Variants in PANX1 observed in about 807,000 individuals in gnomAD.
PANX1 encodes the protein pannexin-1.
Under a neutral mutation model 38.7 loss-of-function variants are expected in PANX1, and 30 were observed. That is an observed-to-expected ratio of 0.78 (90% CI 0.58 to 1.05). The LOEUF is 1.05. PANX1 is among the 50% of genes least tolerant of loss of function. PANX1 has a pLI of 0.00. For synonymous variants in PANX1, 230 were observed against 212.2 expected (o/e 1.08, Z -0.73); for missense variants, 551 against 517.2 (o/e 1.07, Z -0.63).
chr11:94,153,289 T>A (rs1480947703), intron 1 of PANX1, among the ~76,000 whole-genome samples: 3 of 152,228 alleles, frequency 2.0e-5, no homozygotes, highest in African/African-American at 7.2e-5. Context: ...GCCAAGCTGC[T>A]ATCATGACCA....
intron 1 of PANX1, among the ~76,000 whole-genome samples, chr11:94,140,039 A>G (rs1316781535): frequency 6.6e-6 from 1 of 152,256 alleles, no homozygotes; most frequent in Non-Finnish European, 1.5e-5. Flanking sequence ...GGAAGCTGTA[A>G]TAAATAATGG....
chr11:94,150,082 A>G (rs1487236006), intron 1 of PANX1, among the ~76,000 whole-genome samples: 1 of 152,176 alleles, frequency 6.6e-6, no homozygotes, highest in African/African-American at 2.4e-5. Flanking sequence ...GAAGAGGGTG[A>G]TGCCTAAGCA....
Position 94,174,992 on chromosome 11 carries a change from A to G in PANX1, c.322-3377A>G, listed in dbSNP as rs114306938. On this transcript the variant is annotated intron_variant, in intron 2 of 4. Coordinates refer to ENST00000227638, the MANE Select transcript of PANX1 (RefSeq NM_015368.4). ...CCACAATGATTTGAGAAGTTTCCCT[A>G]TTCTTGGAAGAGCTCAATACTCACT... 5.3e-5 allele frequency among the ~76,000 whole-genome samples: 8 copies of G among 151,814 alleles called. No individual in the cohort carries two copies. In the East Asian group the frequency reaches 7.7e-4, roughly 15 times the overall value.
chr11:94,145,264 A>G (rs1946815137), intron 1 of PANX1, among the ~76,000 whole-genome samples: 2 of 152,198 alleles, frequency 1.3e-5, no homozygotes, highest in Non-Finnish European at 1.5e-5. Context: ...TAGTCCTTAT[A>G]TGTGTAACTT....
intron 1 of PANX1, among the ~76,000 whole-genome samples, chr11:94,151,919 A>G (rs2134492066): frequency 6.6e-6 from 1 of 152,288 alleles, no homozygotes; most frequent in African/African-American, 2.4e-5. Context: ...CCTGATGGGG[A>G]AGAAATGCTC....
In PANX1 at chr11:94,181,804, G is replaced by C. The variant is rs191846383; in HGVS notation, c.*935G>C. The C allele has an allele frequency of 1.3e-5, 2 of 152,276 alleles. No individual in the cohort carries two copies. The highest frequency in any genetic ancestry group is 3.9e-4 in the East Asian group (2 of 5,186). 9.4% of individuals were successfully genotyped at this position (152,276 alleles called of 1,614,324 possible). A position where few individuals can be genotyped will look rare whatever the true frequency, so the allele number is the denominator to read the frequency against. On this transcript the variant is annotated 3_prime_UTR_variant, in exon 5 of 5. Transcript: ENST00000227638. ...GTGACATTGGCATGCTTCATATGGCGTGCTTGGAGCCAGAAAAACTTAGCG... is the reference window on the plus strand; with the variant it reads ...GTGACATTGGCATGCTTCATATGGCCTGCTTGGAGCCAGAAAAACTTAGCG...
intron 1 of PANX1, among the ~76,000 whole-genome samples, chr11:94,151,246 T>C (rs1946879716): frequency 6.6e-6 from 1 of 152,182 alleles, no homozygotes; most frequent in Admixed American, 6.5e-5. Flanking sequence ...ATTTTCCTTC[T>C]TCCTCTTTTG....
chr11:94,177,919 G>A (rs1293608518), intron 2 of PANX1, among the ~76,000 whole-genome samples: 2 of 151,868 alleles, frequency 1.3e-5, no homozygotes, highest in Non-Finnish European at 1.5e-5. Context: ...GAAGTTACAT[G>A]TTTCTTTGGC....
At chr11:94,148,797 A>G (rs1009436074) in intron 1 of PANX1, among the ~76,000 whole-genome samples, 1 of 152,124 alleles carries the variant, frequency 6.6e-6, no homozygotes, top group African/African-American at 2.4e-5. Context: ...ACTTGATATA[A>G]TCATCATCAT....
In PANX1 at chr11:94,161,696, C is replaced by T. The variant is rs1947038576; in HGVS notation, c.321+8066C>T. On this transcript the variant is annotated intron_variant, in intron 2 of 4. Transcript: ENST00000227638. The stretch of plus-strand genomic sequence containing the variant: ...CTCCTTTAGCTCGGAGTAGTTTGAT[C>T]GTCTGATGCCTTCTTCTCTCAATTC... Among the ~76,000 whole-genome samples the T allele has an allele frequency of 2.6e-5, 4 of 152,046 alleles. No individual in the cohort carries two copies. In the South Asian group the frequency reaches 6.2e-4, roughly 24 times the overall value.
intron 1 of PANX1, among the ~76,000 whole-genome samples, chr11:94,134,328 G>T (rs79497629): frequency 6.6e-6 from 1 of 152,130 alleles, no homozygotes; most frequent in Non-Finnish European, 1.5e-5. Context: ...TTCATTGATG[G>T]GGGGAGAGGT....
intron 1 of PANX1, among the ~76,000 whole-genome samples, chr11:94,132,704 T>C (rs1946644658): frequency 6.6e-6 from 1 of 152,218 alleles, no homozygotes; most frequent in African/African-American, 2.4e-5. Flanking sequence ...AGAATTCATC[T>C]CTTTTGATAT....
intron 2 of PANX1, among the ~76,000 whole-genome samples, chr11:94,169,307 G>T (rs1451657775): frequency 6.6e-6 from 1 of 151,490 alleles, no homozygotes; most frequent in African/African-American, 2.4e-5. Context: ...TAAACAGTGT[G>T]CTGTATGCTT....
At chr11:94,142,418 C>T (rs1946773647) in intron 1 of PANX1, among the ~76,000 whole-genome samples, 1 of 152,136 alleles carries the variant, frequency 6.6e-6, no homozygotes, top group Admixed American at 6.5e-5. Flanking sequence ...TCTGGACTTC[C>T]CAGTCTGTCA....
intron 1 of PANX1, among the ~76,000 whole-genome samples, chr11:94,149,478 A>T (rs1289175035): frequency 6.6e-6 from 1 of 152,134 alleles, no homozygotes; most frequent in Non-Finnish European, 1.5e-5. Context: ...TGTTGTGGCT[A>T]CTTCCTCTGG....
At chr11:94,174,391 G>A (rs1947205880) in intron 2 of PANX1, among the ~76,000 whole-genome samples, 1 of 151,366 alleles carries the variant, frequency 6.6e-6, no homozygotes, top group African/African-American at 2.5e-5. Flanking sequence ...CCAAGCAGAG[G>A]AAAGAGGATT....
intron 3 of PANX1, 80 bp from the exon 4 acceptor site, chr11:94,179,522 A>C (rs1947277570): frequency 2.0e-6 from 2 of 1,002,920 alleles, no homozygotes; most frequent in East Asian, 5.0e-5. Context: ...TTAGTGTGAC[A>C]TTGTTGAATG....
At chr11:94,177,388 C>T (rs1239304304) in intron 2 of PANX1, among the ~76,000 whole-genome samples, 1 of 151,434 alleles carries the variant, frequency 6.6e-6, no homozygotes, top group Non-Finnish European at 1.5e-5. Flanking sequence ...AAAGGATAGT[C>T]GAAAGTGACA....
At chr11:94,178,986 G>C (rs1947269896) in intron 3 of PANX1, among the ~76,000 whole-genome samples, 1 of 152,156 alleles carries the variant, frequency 6.6e-6, no homozygotes, top group Non-Finnish European at 1.5e-5. Context: ...GAGAAATGGG[G>C]AATGAGTAGG....
Sources: gnomAD v4.1 joint callset for allele counts (sites outside exome capture counted in the v4.1 genomes callset) on GRCh38, gnomAD v4.1.1 for gene constraint, MANE v1.5 for transcripts, NCBI Gene and HGNC (gene_info 2026-07-23, HGNC 2026-07-21) for gene names.